MTMR3: variants seen among roughly 807,000 people sequenced by gnomAD.
The protein encoded by MTMR3 is myotubularin related protein 3.
In MTMR3, 32 loss-of-function variants were observed where a neutral mutation model predicts 132.4. The ratio of observed to expected loss-of-function variants is 0.24; its 90% CI spans 0.18 to 0.32. The LOEUF is 0.32. MTMR3 is among the 10% of genes least tolerant of loss of function. The pLI is 1.00. For missense variants in MTMR3, 1,216 were observed against 1,489.6 expected (o/e 0.82, Z 3.02); for synonymous variants, 556 against 550.3 (o/e 1.01, Z -0.14).
chr22:29,991,738 A>G, intron 7 of MTMR3, 68 bp downstream of exon 7: 1 of 1,450,720 alleles, frequency 6.9e-7, no homozygotes, highest in Non-Finnish European at 9.2e-7. Flanking sequence ...TACTTTTAAC[A>G]TGAAATGGGA....
intron 3 of MTMR3, among the ~76,000 whole-genome samples, chr22:29,977,134 T>TAA (rs200503791): frequency 6.6e-6 from 1 of 151,632 alleles, no homozygotes; most frequent in African/African-American, 2.4e-5. Flanking sequence ...CTACTGAAAA[T>TAA]AAAAAAAATT....
At chr22:29,950,349 T>C (rs1821161277) in intron 1 of MTMR3, among the ~76,000 whole-genome samples, 1 of 130,870 alleles carries the variant, frequency 7.6e-6, no homozygotes, top group African/African-American at 2.6e-5. Flanking sequence ...AACATTTCTG[T>C]TTTTTATTTT....
chr22:29,909,312 C>T (rs2065163034), intron 1 of MTMR3, among the ~76,000 whole-genome samples: 1 of 152,134 alleles, frequency 6.6e-6, no homozygotes, highest in Non-Finnish European at 1.5e-5. Context: ...GGTTTCATTG[C>T]ACTGAGAGAA....
Position 29,970,971 on chromosome 22 carries a change from C to T in MTMR3, c.-84-5C>T, listed in dbSNP as rs1442216912. 2.7e-6 allele frequency: 3 copies of T among 1,123,958 alleles called. No individual in the cohort carries two copies. The highest frequency in any genetic ancestry group is 3.7e-6 in the Non-Finnish European group (3 of 815,066). 69.6% of individuals were successfully genotyped at this position (1,123,958 alleles called of 1,614,324 possible). A position where few individuals can be genotyped will look rare whatever the true frequency, so the allele number is the denominator to read the frequency against. ...CTTCTTCCCCCTCTTCCCCCCCACC[C>T]CCAGACTTCACCATAAGGGAAAGAA... On this transcript the variant is annotated splice_region_variant and splice_polypyrimidine_tract_variant and intron_variant, in intron 2 of 19. Transcript: ENST00000401950.
intron 1 of MTMR3, among the ~76,000 whole-genome samples, chr22:29,923,040 AATT>A (rs1204612084): frequency 1.5e-5 from 2 of 132,488 alleles, no homozygotes; most frequent in African/African-American, 5.4e-5. Context: ...ACATCCAGCC[AATT>A]TTTTTTTTTT....
chr22:29,936,245 A>AT (rs751959890), intron 1 of MTMR3, among the ~76,000 whole-genome samples: 7 of 152,068 alleles, frequency 4.6e-5, no homozygotes, highest in African/African-American at 9.7e-5. Context: ...CCCATAATGA[A>AT]TTTTTTTGGG....
At chr22:29,982,692 A>C (rs1400901227) in intron 5 of MTMR3, 1 of 146,896 alleles carries the variant, frequency 6.8e-6, no homozygotes, top group East Asian at 2.0e-4. Context: ...ATTGAGTAAA[A>C]TGTGTCTGTA....
chr22:30,004,698 A>G (rs2067240930), intron 9 of MTMR3: 1 of 152,230 alleles, frequency 6.6e-6, no homozygotes. Flanking sequence ...GTCTCAGAAC[A>G]TGTGTCTTGT....
chr22:29,969,403 T>A (rs2066489885), intron 2 of MTMR3, among the ~76,000 whole-genome samples: 1 of 152,186 alleles, frequency 6.6e-6, no homozygotes, highest in Non-Finnish European at 1.5e-5. Flanking sequence ...CTATCTCTAC[T>A]ACCTTTTCAT....
chr22:29,899,910 AC>A (rs1263077427), intron 1 of MTMR3, among the ~76,000 whole-genome samples: 1 of 152,140 alleles, frequency 6.6e-6, no homozygotes, highest in African/African-American at 2.4e-5. Flanking sequence ...TGTATATTAT[AC>A]CTCAGTTAAA....
At chr22:29,991,427 C>T in intron 6 of MTMR3, 77 bp from the exon 7 acceptor site, 3 of 1,448,458 alleles carry the variant, frequency 2.1e-6, no homozygotes, top group Non-Finnish European at 2.8e-6. Flanking sequence ...AGTGGGCATT[C>T]TTGAAATAAT....
At chr22:29,997,834 T>A (rs540671799) in intron 7 of MTMR3, 1 of 152,354 alleles carries the variant, frequency 6.6e-6, no homozygotes, top group African/African-American at 2.4e-5. Flanking sequence ...TTGCTTTATT[T>A]ATCCCACCTG....
Position 30,020,991 on chromosome 22 carries a change from T to C in MTMR3, c.3225+107T>C, listed in dbSNP as rs898466281. The C allele has an allele frequency of 2.6e-6, 3 of 1,168,894 alleles. No individual in the cohort carries two copies. The African/African-American group carries it at 4.7e-5, about 18-fold the overall frequency. The allele number at this position is 1,168,894 out of a possible 1,614,324, so 72.4% of individuals were successfully genotyped here. A position where few individuals can be genotyped will look rare whatever the true frequency, so the allele number is the denominator to read the frequency against. On this transcript the variant is annotated intron_variant, in intron 17 of 19. Transcript: ENST00000401950. ...GTGATTGGTACAGGTTGTTAAAGGATTGGAAAGGTCCAGAGTAGCCCTGTT... is the reference window on the plus strand; with the variant it reads ...GTGATTGGTACAGGTTGTTAAAGGACTGGAAAGGTCCAGAGTAGCCCTGTT...
At chr22:30,012,850 G>T (rs2067469409) in intron 13 of MTMR3, 1 of 284,626 alleles carries the variant, frequency 3.5e-6, no homozygotes, top group Non-Finnish European at 6.5e-6. Flanking sequence ...AAAATAAGGA[G>T]TCTGTAAAAG....
At chr22:30,023,592 G>A in intron 19 of MTMR3, 1 of 1,354,834 alleles carries the variant, frequency 7.4e-7, no homozygotes, top group Non-Finnish European at 1.1e-6. Context: ...GAAGCCTGGG[G>A]CCTTGGGTGC....
chr22:29,943,254 G>A (rs1246510844), intron 1 of MTMR3, among the ~76,000 whole-genome samples: 3 of 151,350 alleles, frequency 2.0e-5, no homozygotes, highest in African/African-American at 2.4e-5. Context: ...GTGCAGTGGC[G>A]CCATCTCGGC....
intron 11 of MTMR3, 23 bp downstream of exon 11, chr22:30,008,055 C>G (rs1310202869): frequency 6.2e-7 from 1 of 1,608,824 alleles, no homozygotes; most frequent in South Asian, 1.1e-5. Flanking sequence ...GTGCTTTGTT[C>G]CCCATACTTT....
Position 30,013,542 on chromosome 22 carries a change from G to A in MTMR3, c.1503+1G>A. On this transcript the variant is annotated splice_donor_variant, in intron 14 of 19. Coordinates refer to ENST00000401950, the MANE Select transcript of MTMR3 (RefSeq NM_021090.4). LOFTEE classifies it high-confidence loss of function. The stretch of plus-strand genomic sequence containing the variant: ...TTTTGAGTTCAATGAAGCATTCCTT[G>A]TAAGTTTCTTCATTTTGGGGACTTT... The A allele has an allele frequency of 6.2e-7, 1 of 1,612,820 alleles. No individual in the cohort carries two copies.
At position 30,022,390 on chromosome 22, in the gene MTMR3, A is replaced by C. The variant is rs536997342; in HGVS notation, c.3337-219A>C. On this transcript the variant is annotated intron_variant, in intron 18 of 19. Coordinates refer to ENST00000401950, the MANE Select transcript of MTMR3 (RefSeq NM_021090.4). The stretch of plus-strand genomic sequence containing the variant: ...GCCTTGCCAGCTCTCACAGTGACCC[A>C]GGGTGCTGCTGCCTGCTACTTTATC... 4 of 612,418 alleles carry C rather than the reference A, an allele frequency of 6.5e-6. No individual in the cohort carries two copies. In the South Asian group the frequency reaches 7.7e-5, roughly 12 times the overall value. 37.9% of individuals were successfully genotyped at this position (612,418 alleles called of 1,614,324 possible). A position where few individuals can be genotyped will look rare whatever the true frequency, so the allele number is the denominator to read the frequency against.
Sources: allele counts gnomAD v4.1 joint callset (sites outside exome capture counted in the v4.1 genomes callset), GRCh38; gene constraint gnomAD v4.1.1; transcripts MANE v1.5; gene names NCBI Gene and HGNC (gene_info 2026-07-23, HGNC 2026-07-21).